RNF144B: variants seen among roughly 807,000 people sequenced by gnomAD.
RNF144B encodes the protein ring finger protein 144B, also known as E3 ubiquitin-protein ligase RNF144B.
Under a neutral mutation model 40.2 loss-of-function variants are expected in RNF144B, and 25 were observed. The observed-to-expected ratio is 0.62, with a 90% CI of 0.45 to 0.87. The LOEUF is 0.87. RNF144B is among the 40% of genes least tolerant of loss of function. RNF144B has a pLI of 0.00. For missense variants in RNF144B, 365 were observed against 373.7 expected, an observed-to-expected ratio of 0.98 and a Z score of 0.19; for synonymous variants, 145 against 136.3, an observed-to-expected ratio of 1.06 and a Z score of -0.44.
Position 18,456,149 on chromosome 6 carries a change from C to G in RNF144B, c.332-1006C>G, listed in dbSNP as rs905972477. 6.6e-6 allele frequency among the ~76,000 whole-genome samples: 1 copy of G among 152,182 alleles called. No homozygotes were observed. Among genetic ancestry groups the G allele is most frequent in the Admixed American group, 6.5e-5 (1 of 15,280 alleles). On this transcript the variant is annotated intron_variant, in intron 4 of 7. Coordinates refer to ENST00000259939, the MANE Select transcript of RNF144B (RefSeq NM_182757.4). This position sits in a 1 kb window ranked among gnomAD's most constrained non-coding sequence, Gnocchi z 4.7. ...CTGTTAGCCAGGATGGTCTTGATCT[C>G]CTAACCTTGTGATCCGCCTACCTCA...
At chr6:18,438,242 C>G (rs1758867990) in intron 3 of RNF144B, among the ~76,000 whole-genome samples, 1 of 152,160 alleles carries the variant, frequency 6.6e-6, no homozygotes, top group Non-Finnish European at 1.5e-5. Context: ...ACATCTTTGT[C>G]TTTCAGGAAA....
intron 4 of RNF144B, among the ~76,000 whole-genome samples, chr6:18,449,329 A>G (rs911399033): frequency 3.9e-5 from 6 of 152,252 alleles, no homozygotes; most frequent in African/African-American, 1.4e-4. Context: ...AGTAACTCTC[A>G]AAAGCAAGGC....
At chr6:18,420,850 G>A (rs763634870) in intron 2 of RNF144B, among the ~76,000 whole-genome samples, 13 of 152,040 alleles carry the variant, frequency 8.6e-5, no homozygotes, top group East Asian at 1.9e-4. Context: ...AGAGTCTTAC[G>A]AAAACTTATA....
At chr6:18,396,708 A>T (rs1054704058) in intron 1 of RNF144B, 89 of 985,328 alleles carry the variant, frequency 9.0e-5, no homozygotes, top group Middle Eastern at 5.2e-4. Flanking sequence ...TTGAGAATGT[A>T]CAGGTGAGAA....
In RNF144B at chr6:18,448,652, A is replaced by C. The variant is rs2113525581; in HGVS notation, c.332-8503A>C. Among the ~76,000 whole-genome samples, 1 of 151,788 alleles carries C rather than the reference A, an allele frequency of 6.6e-6. No homozygotes were observed. The highest frequency in any genetic ancestry group is 1.5e-5 in the Non-Finnish European group (1 of 67,948). ...TTTTCAAAGTATAGAACTGTGACCC[A>C]GAATAATAAATCCATTTTATTTTGA... On this transcript the variant is annotated intron_variant, in intron 4 of 7. Coordinates refer to ENST00000259939, the MANE Select transcript of RNF144B (RefSeq NM_182757.4). The surrounding 1 kb of genome is among the most constrained non-coding windows in gnomAD (Gnocchi z 4.0).
intron 4 of RNF144B, among the ~76,000 whole-genome samples, chr6:18,454,429 C>A (rs1218601574): frequency 6.6e-6 from 1 of 152,170 alleles, no homozygotes; most frequent in Admixed American, 6.5e-5. Context: ...TGGATAGAGT[C>A]AAAATCTGTC....
Position 18,444,056 on chromosome 6 carries a change from TTCTTTTAG to T in RNF144B, c.331+4318_331+4325del, listed in dbSNP as rs1372586894. Among the ~76,000 whole-genome samples, 1 of 152,210 alleles carries T rather than the reference TTCTTTTAG, an allele frequency of 6.6e-6. No homozygotes were observed. Among genetic ancestry groups the T allele is most frequent in the East Asian group, 1.9e-4 (1 of 5,200 alleles). On this transcript the variant is annotated intron_variant, in intron 4 of 7. Coordinates refer to ENST00000259939, the MANE Select transcript of RNF144B (RefSeq NM_182757.4). This position sits in a 1 kb window ranked among gnomAD's most constrained non-coding sequence, Gnocchi z 4.3. ...TTTCCAATTCTTAGTGCCTGCCAAG[TTCTTTTAG>T]TCTTTAGCTTGTTGTTCAGTGTGTG...
At position 18,425,545 on chromosome 6, in the gene RNF144B, A is replaced by G. The variant is rs1350368681; in HGVS notation, c.166-2036A>G. 6.6e-6 allele frequency among the ~76,000 whole-genome samples: 1 copy of G among 151,890 alleles called. No individual in the cohort carries two copies. The highest frequency in any genetic ancestry group is 1.5e-5 in the Non-Finnish European group (1 of 67,956). On this transcript the variant is annotated intron_variant, in intron 2 of 7. Transcript: ENST00000259939. This position sits in a 1 kb window ranked among gnomAD's most constrained non-coding sequence, Gnocchi z 4.2. ...TTGCTGCTGCTCTCTTCTATGTCCC[A>G]CTGCTGCTGCTGCTGGATACCATGT...
At position 18,406,188 on chromosome 6, in the gene RNF144B, G is replaced by A; in HGVS notation, c.165+6489G>A. The A allele has an allele frequency of 1.9e-6, 1 of 518,318 alleles. No homozygotes were observed. The highest frequency in any genetic ancestry group is 3.3e-4 in the Middle Eastern group (1 of 3,074). The allele number at this position is 518,318 out of a possible 1,614,324, so 32.1% of individuals were successfully genotyped here. ...ACATAGATGCTAACAAGTAAATACA[G>A]AAGTCAGGTGATGGTTTGTGCTATG... On this transcript the variant is annotated intron_variant, in intron 2 of 7. Coordinates refer to ENST00000259939, the MANE Select transcript of RNF144B (RefSeq NM_182757.4). This position sits in a 1 kb window ranked among gnomAD's most constrained non-coding sequence, Gnocchi z 4.2.
Position 18,418,605 on chromosome 6 carries a change from G to A in RNF144B, c.166-8976G>A, listed in dbSNP as rs1795192953. Among the ~76,000 whole-genome samples the A allele has an allele frequency of 2.0e-5, 3 of 152,150 alleles. No homozygotes were observed. The highest frequency in any genetic ancestry group is 6.5e-5 in the Admixed American group (1 of 15,272). ...AGAAATGGGGAGCATGTACTAATGG[G>A]CACAGAGTTTCTTTTGGGATTATGA... On this transcript the variant is annotated intron_variant, in intron 2 of 7. Coordinates refer to ENST00000259939, the MANE Select transcript of RNF144B (RefSeq NM_182757.4). This position sits in a 1 kb window ranked among gnomAD's most constrained non-coding sequence, Gnocchi z 5.2.
At chr6:18,415,034 A>C (rs769196646) in intron 2 of RNF144B, among the ~76,000 whole-genome samples, 4 of 152,166 alleles carry the variant, frequency 2.6e-5, no homozygotes, top group Non-Finnish European at 4.4e-5. Context: ...ACCTATGTAC[A>C]TCCTCCCATA....
intron 3 of RNF144B, among the ~76,000 whole-genome samples, chr6:18,437,095 T>C (rs1199044405): frequency 1.3e-5 from 2 of 152,166 alleles, no homozygotes; most frequent in Admixed American, 6.6e-5. Flanking sequence ...CATTGTATGC[T>C]AGGCTTCCAG....
At chr6:18,389,119 T>C (rs952141609) in intron 1 of RNF144B, among the ~76,000 whole-genome samples, 3 of 152,144 alleles carry the variant, frequency 2.0e-5, no homozygotes, top group African/African-American at 7.2e-5. Context: ...GTTTTACAAA[T>C]ATTTACAGTC....
At chr6:18,411,582 C>T (rs1394423566) in intron 2 of RNF144B, among the ~76,000 whole-genome samples, 1 of 131,740 alleles carries the variant, frequency 7.6e-6, no homozygotes, top group Non-Finnish European at 1.5e-5. Context: ...CGGCTCATTG[C>T]AATCTCTGCC....
chr6:18,393,654 T>C (rs1258246132), intron 1 of RNF144B, among the ~76,000 whole-genome samples: 1 of 152,228 alleles, frequency 6.6e-6, no homozygotes, highest in Admixed American at 6.5e-5. Context: ...TTAGCTGATA[T>C]GGGGATAGCT....
chr6:18,394,172 A>G (rs1794643600), intron 1 of RNF144B, among the ~76,000 whole-genome samples: 1 of 152,216 alleles, frequency 6.6e-6, no homozygotes, highest in African/African-American at 2.4e-5. Flanking sequence ...ATAATTAGGG[A>G]TAAGTGTCCT....
chr6:18,392,999 T>C (rs1582395249), intron 1 of RNF144B, among the ~76,000 whole-genome samples: 2 of 151,726 alleles, frequency 1.3e-5, no homozygotes, highest in South Asian at 2.1e-4. Context: ...CGGGCACCTG[T>C]AGTCCCAGCT....
intron 3 of RNF144B, among the ~76,000 whole-genome samples, chr6:18,436,133 C>T (rs1025085141): frequency 3.3e-5 from 5 of 151,826 alleles, no homozygotes; most frequent in African/African-American, 4.8e-5. Context: ...CCCAAGGACA[C>T]GTCTGTGATA....
chr6:18,415,669 C>A (rs1227812350), intron 2 of RNF144B, among the ~76,000 whole-genome samples: 4 of 152,102 alleles, frequency 2.6e-5, no homozygotes, highest in African/African-American at 2.4e-5. Context: ...GTCTGTTTAG[C>A]CTGCTGTCCT....
Sources: allele counts gnomAD v4.1 joint callset (sites outside exome capture counted in the v4.1 genomes callset), GRCh38; gene constraint gnomAD v4.1.1; non-coding constraint Gnocchi (gnomAD v3.1); transcripts MANE v1.5; gene names NCBI Gene and HGNC (gene_info 2026-07-23, HGNC 2026-07-21).